The following MAP3K14 variants were observed in gnomAD, a reference collection of about 807,000 sequenced individuals.
The protein encoded by MAP3K14 is mitogen-activated protein kinase kinase kinase 14, also known as NF-kappa-beta-inducing kinase.
Under a neutral mutation model 99.2 loss-of-function variants are expected in MAP3K14, and 16 were observed. The observed-to-expected ratio is 0.16, with a 90% CI of 0.11 to 0.24. MAP3K14 has a LOEUF of 0.24. Ranked by LOEUF, MAP3K14 falls within the 10% of genes least tolerant of loss-of-function variation. The pLI is 1.00. For missense variants in MAP3K14, 784 were observed against 1,208.7 expected (o/e 0.65, Z 5.21); for synonymous variants, 462 against 492.4 (o/e 0.94, Z 0.82).
chr17:45,273,365 A>G (rs368787927), intron 9 of MAP3K14, 138 bp downstream of exon 9: 6 of 645,052 alleles, frequency 9.3e-6, no homozygotes, highest in East Asian at 2.8e-5. Flanking sequence ...AACCCCTGAT[A>G]ATCATCCAGG....
At chr17:45,280,299 CTTTTTTTTTT>C (rs751994880) in intron 6 of MAP3K14, among the ~76,000 whole-genome samples, 1 of 122,334 alleles carries the variant, frequency 8.2e-6, no homozygotes, top group African/African-American at 3.3e-5. Flanking sequence ...CACAGAAACA[CTTTTTTTTTT>C]TTTTTTTTTT....
At position 45,289,264 on chromosome 17, in the gene MAP3K14, T is replaced by C. The variant is rs764663268; in HGVS notation, c.298A>G (p.Ile100Val). 1.9e-6 allele frequency: 3 copies of C among 1,613,902 alleles called. No homozygotes were observed. The East Asian group carries it at 6.7e-5, about 36-fold the overall frequency. ...TACTGTTTGGACCCAGCGATGAAAA[T>C]GCGTTCTGAAAAGGTGGGGCTGAAC... ...QEFSPTFSERIFIAGSKQYSQ... is the reference protein window; with the variant it reads ...QEFSPTFSERVFIAGSKQYSQ... The change falls in exon 3 of 16, where the codon ATT (isoleucine) becomes GTT (valine). Residue 100 changes from isoleucine to valine, a missense_variant. Coordinates refer to ENST00000344686, the MANE Select transcript of MAP3K14 (RefSeq NM_003954.5).
chr17:45,280,540 G>C (rs1287539345), intron 6 of MAP3K14, among the ~76,000 whole-genome samples: 4 of 150,598 alleles, frequency 2.7e-5, no homozygotes, highest in Admixed American at 2.6e-4. Flanking sequence ...CCCGACCTCA[G>C]GTGATTCACC....
rs376746377 is a variant in MAP3K14, at chr17:45,266,604, A to G, written c.2511T>C (p.Ala837=). The change falls in exon 14 of 16, where the codon GCT becomes GCC. Residue 837 remains alanine, a synonymous_variant. Coordinates refer to ENST00000344686, the MANE Select transcript of MAP3K14 (RefSeq NM_003954.5). ...GCACCATGTTCCAGCTGGAGCTTCG[A>G]GCCTCGGCCTGGCTGCTCCAGGAGT... ...GVHSWSSQAE[A]RSSSWNMVLA... The G allele has an allele frequency of 1.5e-5, 25 of 1,613,516 alleles. No homozygotes were observed. The African/African-American group carries it at 1.7e-4, about 11-fold the overall frequency.
intron 3 of MAP3K14, among the ~76,000 whole-genome samples, chr17:45,287,741 C>CAGGGGAGCAGA (rs2044278881): frequency 6.6e-6 from 1 of 152,198 alleles, no homozygotes; most frequent in African/African-American, 2.4e-5. Context: ...TCACTGCTCT[C>CAGGGGAGCAGA]CAAGGTGAGC....
intron 1 of MAP3K14, among the ~76,000 whole-genome samples, chr17:45,300,045 C>T (rs1012330711): frequency 6.6e-6 from 1 of 151,990 alleles, no homozygotes; most frequent in Non-Finnish European, 1.5e-5. Context: ...GCCGAGATCG[C>T]GCCACTGCAC....
intron 1 of MAP3K14, among the ~76,000 whole-genome samples, chr17:45,296,929 G>A (rs1163023917): frequency 2.0e-5 from 3 of 152,170 alleles, no homozygotes; most frequent in Admixed American, 2.0e-4. Flanking sequence ...TCTCCCAAGT[G>A]CCAGGGAATG....
intron 2 of MAP3K14, among the ~76,000 whole-genome samples, 163 bp from the exon 3 acceptor site, chr17:45,289,468 C>T (rs1598257363): frequency 6.6e-6 from 1 of 152,318 alleles, no homozygotes; most frequent in African/African-American, 2.4e-5. Context: ...CCTTCCCGCA[C>T]TGTCTCTCCC....
At chr17:45,266,403 CAAGTTCTGGGA>C in intron 14 of MAP3K14, 123 bp downstream of exon 14, 1 of 1,210,630 alleles carries the variant, frequency 8.3e-7, no homozygotes. Context: ...CCAGGAACCT[CAAGTTCTGGGA>C]CCAGGCGCCT....
chr17:45,300,615 G>A (rs2044379804), intron 1 of MAP3K14, among the ~76,000 whole-genome samples: 1 of 152,122 alleles, frequency 6.6e-6, no homozygotes, highest in African/African-American at 2.4e-5. Flanking sequence ...TACCCAGGAA[G>A]TTCCTCCCAT....
At chr17:45,281,993 G>T (rs1047936678) in intron 6 of MAP3K14, 2 of 152,112 alleles carry the variant, frequency 1.3e-5, no homozygotes, top group African/African-American at 4.8e-5. Flanking sequence ...ATAAAAGAAT[G>T]CAAATGATAC....
At chr17:45,302,827 C>T (rs182179290) in intron 1 of MAP3K14, among the ~76,000 whole-genome samples, 87 of 131,302 alleles carry the variant, frequency 6.6e-4, no homozygotes, top group African/African-American at 2.5e-3. Flanking sequence ...CTGTTCTGCT[C>T]ACTGAGTTCT....
chr17:45,312,773 T>G (rs2044492275), intron 1 of MAP3K14, among the ~76,000 whole-genome samples: 1 of 151,812 alleles, frequency 6.6e-6, no homozygotes, highest in African/African-American at 2.4e-5. Context: ...CCAGACAGAG[T>G]CTCAGAGAGA....
At chr17:45,270,883 G>C in intron 10 of MAP3K14, 175 bp downstream of exon 10, 2 of 940,930 alleles carry the variant, frequency 2.1e-6, no homozygotes, top group Non-Finnish European at 3.3e-6. Context: ...TCCGCAGCTG[G>C]ATCTCCCCTT....
chr17:45,274,346 G>A, intron 7 of MAP3K14, 92 bp from the exon 8 acceptor site: 1 of 1,569,080 alleles, frequency 6.4e-7, no homozygotes, highest in Non-Finnish European at 8.7e-7. Flanking sequence ...TGGAAAGCAG[G>A]GTCACAGGGT....
At chr17:45,276,332 A>G (rs2044179980) in intron 6 of MAP3K14, among the ~76,000 whole-genome samples, 1 of 152,168 alleles carries the variant, frequency 6.6e-6, no homozygotes, top group Non-Finnish European at 1.5e-5. Context: ...AAGGCAGCAG[A>G]CTTCCCATCC....
At chr17:45,268,392 G>A (rs768196127) in intron 11 of MAP3K14, 3 of 152,062 alleles carry the variant, frequency 2.0e-5, no homozygotes, top group Non-Finnish European at 4.4e-5. Context: ...TGCAAAATGT[G>A]CGTTGTTTTA....
chr17:45,285,089 C>A (rs2074290), intron 5 of MAP3K14, 140 bp from the exon 6 acceptor site: 5 of 883,276 alleles, frequency 5.7e-6, no homozygotes, highest in Non-Finnish European at 8.5e-6. Context: ...AGCCCTGGGG[C>A]GAAGGCAGGG....
chr17:45,314,908 A>G (rs2044517359), intron 1 of MAP3K14, among the ~76,000 whole-genome samples: 1 of 152,134 alleles, frequency 6.6e-6, no homozygotes, highest in East Asian at 1.9e-4. Flanking sequence ...CACTGTTCAG[A>G]GGGTGCCAAC....
Sources: allele counts gnomAD v4.1 joint callset (sites outside exome capture counted in the v4.1 genomes callset), GRCh38; gene constraint gnomAD v4.1.1; transcripts MANE v1.5; gene names NCBI Gene and HGNC (gene_info 2026-07-23, HGNC 2026-07-21).